Variants in ACTL8 observed in about 807,000 individuals in gnomAD.
The protein encoded by ACTL8 is actin-like protein 8.
A neutral mutation model predicts 9.3 loss-of-function variants in ACTL8; 3 were observed. The ratio of observed to expected loss-of-function variants is 0.32; its 90% CI spans 0.15 to 0.83. ACTL8 has a LOEUF of 0.83. ACTL8 is among the 40% of genes least tolerant of loss of function. The pLI is 0.57. For missense variants in ACTL8, 381 were observed against 492.2 expected, an observed-to-expected ratio of 0.77 and a Z score of 2.14; for synonymous variants, 224 against 205.9, an observed-to-expected ratio of 1.09 and a Z score of -0.75.
chr1:17,769,731 A>G (rs1471533449), intron 1 of ACTL8, among the ~76,000 whole-genome samples: 3 of 152,228 alleles, frequency 2.0e-5, no homozygotes, highest in Non-Finnish European at 4.4e-5. Context: ...TGCTCAGCTC[A>G]TAGAGTCAAC....
At chr1:17,800,017 C>T (rs1041484697) in intron 1 of ACTL8, among the ~76,000 whole-genome samples, 8 of 152,168 alleles carry the variant, frequency 5.3e-5, no homozygotes, top group South Asian at 2.1e-4. Context: ...CTTAATGCCT[C>T]GGAGGCCAGA....
intron 1 of ACTL8, among the ~76,000 whole-genome samples, chr1:17,771,132 T>C (rs1032592573): frequency 6.6e-6 from 1 of 152,242 alleles, no homozygotes; most frequent in African/African-American, 2.4e-5. Context: ...GTGGGCCATA[T>C]GGTCTCTGTC....
At chr1:17,766,463 C>T (rs1174716734) in intron 1 of ACTL8, among the ~76,000 whole-genome samples, 2 of 152,196 alleles carry the variant, frequency 1.3e-5, no homozygotes, top group African/African-American at 4.8e-5. Context: ...GTGCAAATAT[C>T]CCATTCAAGA....
At chr1:17,789,516 G>A (rs540460771) in intron 1 of ACTL8, among the ~76,000 whole-genome samples, 1 of 152,254 alleles carries the variant, frequency 6.6e-6, no homozygotes, top group South Asian at 2.1e-4. Context: ...GAGATGGGAT[G>A]TTTCAGTCTT....
In ACTL8 at chr1:17,767,968, T is replaced by TG. The variant is rs2066057348; in HGVS notation, c.-25+12470dup. ...GACTGGGTGTCTGTGGGTTCAGTCCTGGGGGGCAGGGGTGAGCATATATGT... is the reference window on the plus strand; with the variant it reads ...GACTGGGTGTCTGTGGGTTCAGTCCTGGGGGGGCAGGGGTGAGCATATATGT... On this transcript the variant is annotated intron_variant, in intron 1 of 2. Transcript: ENST00000375406. This position sits in a 1 kb window ranked among gnomAD's most constrained non-coding sequence, Gnocchi z 4.7. Among the ~76,000 whole-genome samples the TG allele has an allele frequency of 6.6e-6, 1 of 152,032 alleles. No individual in the cohort carries two copies. Among genetic ancestry groups the TG allele is most frequent in the Admixed American group, 6.6e-5 (1 of 15,266 alleles).
At chr1:17,768,189 T>A in intron 1 of ACTL8, among the ~76,000 whole-genome samples, 1 of 2,378 alleles carries the variant, frequency 4.2e-4, no homozygotes, top group Admixed American at 5.2e-3. Flanking sequence ...TGGGGGTGGG[T>A]GGGTGGTGTT....
chr1:17,800,573 T>A (rs928336309), intron 1 of ACTL8, among the ~76,000 whole-genome samples: 13 of 148,932 alleles, frequency 8.7e-5, no homozygotes, highest in African/African-American at 3.0e-4. Context: ...TTCCTTGCCT[T>A]GGTGTCAATC....
In ACTL8 at chr1:17,757,260, G is replaced by A. The variant is rs544703536; in HGVS notation, c.-25+1756G>A. Reference sequence around the variant, plus strand: ...AGACAGCTTCCATGGCAGCCCTTAAGGAAGTTCTTATTTCTTGCAGCCACA... The same window carrying A: ...AGACAGCTTCCATGGCAGCCCTTAAAGAAGTTCTTATTTCTTGCAGCCACA... On this transcript the variant is annotated intron_variant, in intron 1 of 2. Transcript: ENST00000375406. Among the ~76,000 whole-genome samples, 4 of 70,182 alleles carry A rather than the reference G, an allele frequency of 5.7e-5. No homozygotes were observed. In the South Asian group the frequency reaches 2.1e-3, roughly 37 times the overall value. The allele number at this position is 70,182 out of a possible 152,430, so 46.0% of individuals were successfully genotyped here.
chr1:17,758,766 A>G (rs2065982887), intron 1 of ACTL8, among the ~76,000 whole-genome samples: 1 of 152,222 alleles, frequency 6.6e-6, no homozygotes, highest in Non-Finnish European at 1.5e-5. Flanking sequence ...TCTGACTCTC[A>G]GTAGATTTGC....
chr1:17,826,016 C>A lies in ACTL8; in HGVS notation c.598C>A (p.Gln200Lys). Residue 200 changes from glutamine to lysine, a missense_variant, in exon 3 of 3, where the codon CAG becomes AAG. Gln to Lys is a moderately conservative substitution (Grantham distance 53, BLOSUM62 1). Coordinates refer to ENST00000375406, the MANE Select transcript of ACTL8 (RefSeq NM_030812.3). The surrounding 1 kb of genome is among the most constrained non-coding windows in gnomAD (Gnocchi z 4.5). ...AGATTGCGATAGACGCTGCCTGTTTCAGCTGGAGACAGTCGCCGTGACTCA... is the reference window on the plus strand; with the variant it reads ...AGATTGCGATAGACGCTGCCTGTTTAAGCTGGAGACAGTCGCCGTGACTCA... ...KEDCDRRCLF[Q>K]LETVAVTQMN... The A allele has an allele frequency of 6.2e-7, 1 of 1,607,050 alleles. No homozygotes were observed.
intron 1 of ACTL8, among the ~76,000 whole-genome samples, chr1:17,801,739 T>A (rs2066323973): frequency 6.6e-6 from 1 of 152,214 alleles, no homozygotes; most frequent in South Asian, 2.1e-4. Context: ...AAGTTTTTCA[T>A]CTAAAATTGA....
At chr1:17,785,786 A>G (rs1320859132) in intron 1 of ACTL8, among the ~76,000 whole-genome samples, 2 of 152,222 alleles carry the variant, frequency 1.3e-5, no homozygotes, top group Non-Finnish European at 2.9e-5. Context: ...TGCATAACAA[A>G]TGACTACAGA....
intron 1 of ACTL8, among the ~76,000 whole-genome samples, chr1:17,771,615 T>C (rs1026363554): frequency 6.6e-6 from 1 of 152,086 alleles, no homozygotes; most frequent in African/African-American, 2.4e-5. Context: ...GTCCCAGAGG[T>C]GTGTCCTCCA....
intron 1 of ACTL8, among the ~76,000 whole-genome samples, chr1:17,807,481 C>A (rs1368635536): frequency 6.6e-6 from 1 of 152,082 alleles, no homozygotes; most frequent in Non-Finnish European, 1.5e-5. Context: ...TAGAGTTGTG[C>A]TGGGGAAACG....
chr1:17,813,309 C>T (rs551809137), intron 1 of ACTL8, among the ~76,000 whole-genome samples: 2 of 152,304 alleles, frequency 1.3e-5, no homozygotes, highest in East Asian at 3.9e-4. Flanking sequence ...TAAGGAAAGT[C>T]TTCTCTGTTC....
intron 1 of ACTL8, among the ~76,000 whole-genome samples, chr1:17,784,999 G>A (rs574700498): frequency 6.6e-6 from 1 of 152,134 alleles, no homozygotes; most frequent in African/African-American, 2.4e-5. Flanking sequence ...GAATGAGCTT[G>A]GGCGGTAGAA....
At chr1:17,783,897 T>C (rs1205972501) in intron 1 of ACTL8, among the ~76,000 whole-genome samples, 3 of 152,230 alleles carry the variant, frequency 2.0e-5, no homozygotes, top group African/African-American at 7.2e-5. Flanking sequence ...TAAGAGTCTC[T>C]AGGATGGGTC....
chr1:17,792,416 T>G (rs1169874855), intron 1 of ACTL8, among the ~76,000 whole-genome samples: 2 of 152,212 alleles, frequency 1.3e-5, no homozygotes, highest in Non-Finnish European at 2.9e-5. Flanking sequence ...GGTTTTGCCT[T>G]CAAATATCTG....
chr1:17,822,620 C>T (rs1278211727), intron 1 of ACTL8, among the ~76,000 whole-genome samples: 1 of 152,180 alleles, frequency 6.6e-6, no homozygotes, highest in Non-Finnish European at 1.5e-5. Flanking sequence ...AAGGACTTCC[C>T]AAGTGGCAAG....
Sources: allele counts gnomAD v4.1 joint callset (sites outside exome capture counted in the v4.1 genomes callset), GRCh38; gene constraint gnomAD v4.1.1; non-coding constraint Gnocchi (gnomAD v3.1); transcripts MANE v1.5; gene names NCBI Gene and HGNC (gene_info 2026-07-23, HGNC 2026-07-21).